Variants in SUPT3H observed in about 807,000 individuals in gnomAD.
The protein encoded by SUPT3H is transcription initiation protein SPT3 homolog.
Under a neutral mutation model 44.3 loss-of-function variants are expected in SUPT3H, and 44 were observed. The ratio of observed to expected loss-of-function variants is 0.99; its 90% confidence interval spans 0.78 to 1.28. The LOEUF is 1.28. Ranked by LOEUF, SUPT3H falls within the 50% of genes most tolerant of loss-of-function variation. The pLI, the probability that SUPT3H is intolerant of heterozygous loss-of-function variation, is 0.00. For missense variants in SUPT3H, 380 were observed against 387.1 expected (o/e 0.98, Z 0.15); for synonymous variants, 124 against 125.6 (o/e 0.99, Z 0.09).
intron 2 of SUPT3H, among the ~76,000 whole-genome samples, chr6:45,326,803 G>A (rs934891184): frequency 1.3e-5 from 2 of 151,818 alleles, no homozygotes; most frequent in Non-Finnish European, 2.9e-5. Context: ...ACACCCTCCT[G>A]TCTCCCTAGC....
At chr6:45,292,270 C>T (rs961057038) in intron 2 of SUPT3H, among the ~76,000 whole-genome samples, 2 of 152,164 alleles carry the variant, frequency 1.3e-5, no homozygotes, top group Non-Finnish European at 1.5e-5. Flanking sequence ...GCCACCACTA[C>T]ACGAGCTGCT....
chr6:44,946,510 G>C (rs1015116579), intron 9 of SUPT3H, among the ~76,000 whole-genome samples: 4 of 152,176 alleles, frequency 2.6e-5, no homozygotes, highest in Non-Finnish European at 5.9e-5. Context: ...GGAAGAAGCT[G>C]ATTCCAGCTA....
At chr6:45,104,366 G>A (rs540343426) in intron 3 of SUPT3H, among the ~76,000 whole-genome samples, 1 of 152,190 alleles carries the variant, frequency 6.6e-6, no homozygotes, top group South Asian at 2.1e-4. Context: ...GAAGGCTATA[G>A]AAAGATAGAG....
chr6:44,888,147 C>G (rs559444105), intron 10 of SUPT3H, among the ~76,000 whole-genome samples: 273 of 152,230 alleles, frequency 1.8e-3, no homozygotes, highest in African/African-American at 6.4e-3. Context: ...AAAAAGTGTC[C>G]AGGACCAGAA....
intron 2 of SUPT3H, among the ~76,000 whole-genome samples, chr6:45,239,823 C>A (rs114044820): frequency 0.016 from 2,371 of 152,238 alleles, 29 homozygotes; most frequent in Non-Finnish European, 0.024. Context: ...CATTGTAGAA[C>A]GAATGAATCT....
intron 2 of SUPT3H, among the ~76,000 whole-genome samples, chr6:45,357,449 GC>G (rs56203924): frequency 0.22 from 33,113 of 151,942 alleles, 4,403 homozygotes; most frequent in Non-Finnish European, 0.31. Context: ...TCCTGCCTCA[GC>G]CTCCCAAGTA....
intron 2 of SUPT3H, among the ~76,000 whole-genome samples, chr6:45,282,420 C>T (rs997545957): frequency 1.3e-5 from 2 of 152,042 alleles, no homozygotes; most frequent in Non-Finnish European, 2.9e-5. Flanking sequence ...AACCATGGCA[C>T]GAGAACTACG....
At chr6:44,916,027 T>G (rs917219552) in intron 10 of SUPT3H, among the ~76,000 whole-genome samples, 2 of 152,362 alleles carry the variant, frequency 1.3e-5, no homozygotes, top group East Asian at 1.9e-4. Context: ...CAACTTAAAG[T>G]GTTATTGCTG....
chr6:45,193,232 T>C (rs1403935372), intron 2 of SUPT3H, among the ~76,000 whole-genome samples: 2 of 152,126 alleles, frequency 1.3e-5, no homozygotes, highest in Non-Finnish European at 2.9e-5. Flanking sequence ...CTTATATCCA[T>C]TTATATATAA....
At chr6:45,340,641 C>G (rs538244583) in intron 2 of SUPT3H, among the ~76,000 whole-genome samples, 1 of 150,494 alleles carries the variant, frequency 6.6e-6, no homozygotes, top group South Asian at 2.1e-4. Context: ...CGAGTTTGAT[C>G]AGAAAAAAAA....
At chr6:45,187,491 A>G (rs889647145) in intron 2 of SUPT3H, among the ~76,000 whole-genome samples, 2 of 151,606 alleles carry the variant, frequency 1.3e-5, no homozygotes, top group Non-Finnish European at 2.9e-5. Context: ...GCTGTGTGCC[A>G]TGTAAAACTC....
intron 3 of SUPT3H, among the ~76,000 whole-genome samples, chr6:45,100,890 C>T (rs771912714): frequency 6.6e-6 from 1 of 152,142 alleles, no homozygotes; most frequent in Non-Finnish European, 1.5e-5. Context: ...TATATCTGTG[C>T]TCACATGTTT....
chr6:45,269,122 CT>C (rs1180866206), intron 2 of SUPT3H, among the ~76,000 whole-genome samples: 1 of 152,148 alleles, frequency 6.6e-6, no homozygotes, highest in Admixed American at 6.6e-5. Context: ...GCAGCACATA[CT>C]AAAATATGTT....
At chr6:45,348,897 G>A (rs976071355) in intron 2 of SUPT3H, among the ~76,000 whole-genome samples, 1 of 151,974 alleles carries the variant, frequency 6.6e-6, no homozygotes, top group African/African-American at 2.4e-5. Context: ...CTATCTCATA[G>A]TATCCTGTAC....
At chr6:44,930,408 C>G (rs191860543) in intron 10 of SUPT3H, among the ~76,000 whole-genome samples, 2 of 149,376 alleles carry the variant, frequency 1.3e-5, no homozygotes, top group African/African-American at 4.9e-5. Flanking sequence ...AAAATTATTA[C>G]AAAAATTAGT....
At chr6:45,006,841 G>A (rs1165431805) in intron 5 of SUPT3H, among the ~76,000 whole-genome samples, 1 of 152,036 alleles carries the variant, frequency 6.6e-6, no homozygotes, top group African/African-American at 2.4e-5. Context: ...CGCTTATATT[G>A]CATGTTCTCA....
At chr6:45,032,749 C>T (rs1414900890) in intron 3 of SUPT3H, among the ~76,000 whole-genome samples, 2 of 152,168 alleles carry the variant, frequency 1.3e-5, no homozygotes, top group Admixed American at 1.3e-4. Context: ...TAGACCTAAG[C>T]ACTCCCTTTC....
intron 3 of SUPT3H, among the ~76,000 whole-genome samples, chr6:45,069,012 A>G (rs1451737774): frequency 6.6e-6 from 1 of 152,038 alleles, no homozygotes; most frequent in Non-Finnish European, 1.5e-5. Flanking sequence ...AAATAAAATA[A>G]AGAGTACACT....
intron 6 of SUPT3H, among the ~76,000 whole-genome samples, chr6:44,963,413 C>G (rs930971670): frequency 6.6e-6 from 1 of 151,950 alleles, no homozygotes. Flanking sequence ...TTGCTTGAAC[C>G]TGGGAGGTGG....
Sources: allele counts gnomAD v4.1 joint callset (sites outside exome capture counted in the v4.1 genomes callset), GRCh38; gene constraint gnomAD v4.1.1; transcripts MANE v1.5; gene names NCBI Gene and HGNC (gene_info 2026-07-23, HGNC 2026-07-21).